EFNA1: variants seen among roughly 807,000 people sequenced by gnomAD.
The protein encoded by EFNA1 is ephrin-A1.
A neutral mutation model predicts 23.2 loss-of-function variants in EFNA1; 8 were observed. The observed-to-expected ratio is 0.34, with a 90% CI of 0.20 to 0.62. EFNA1 has a LOEUF of 0.62. EFNA1 is among the 20% of genes least tolerant of loss of function. The probability of loss-of-function intolerance (pLI) is 0.75; values close to 1 mark genes in which losing one functional copy is unlikely to be tolerated. For missense variants in EFNA1, 217 were observed against 260.0 expected (o/e 0.83, Z 1.14); for synonymous variants, 89 against 98.6 (o/e 0.90, Z 0.58).
chr1:155,131,351 G>C lies in EFNA1; in HGVS notation c.105G>C (p.Glu35Asp). The C allele has an allele frequency of 6.2e-7, 1 of 1,610,560 alleles. No homozygotes were observed. Among genetic ancestry groups the C allele is most frequent in the Non-Finnish European group, 8.5e-7 (1 of 1,177,138 alleles). The change falls in exon 2 of 5, where the codon GAG becomes GAC. Residue 35 changes from glutamate (E) to aspartate (D), a missense_variant. Coordinates refer to ENST00000368407, the MANE Select transcript of EFNA1 (RefSeq NM_004428.3). Reference protein sequence around the residue: ...WNSSNPKFRNEDYTIHVQLND... With the variant: ...WNSSNPKFRNDDYTIHVQLND... ...TGTGTGTCCCCAGGTTCCGGAATGA[G>C]GACTACACCATACATGTGCAGCTGA...
rs1664345252 is a variant in EFNA1, at chr1:155,134,819, T to C, written c.*752T>C. The C allele has an allele frequency of 1.3e-5, 2 of 153,526 alleles. No individual in the cohort carries two copies. The highest frequency in any genetic ancestry group is 6.5e-5 in the Admixed American group (1 of 15,440). 9.5% of individuals were successfully genotyped at this position (153,526 alleles called of 1,614,324 possible). On this transcript the variant is annotated 3_prime_UTR_variant, in exon 5 of 5. Coordinates refer to ENST00000368407, the MANE Select transcript of EFNA1 (RefSeq NM_004428.3). ...CTACAACTGGAGTTTTTTTATACAATGTTCTTTGTCTCAAAATAAAGCAAT... is the reference window on the plus strand; with the variant it reads ...CTACAACTGGAGTTTTTTTATACAACGTTCTTTGTCTCAAAATAAAGCAAT...
rs1664135042 is a variant in EFNA1, at chr1:155,127,940, G to C, written c.-38G>C. ...CCAGTGGGAACCCAGACCCATAGGA[G>C]ACCCGCGTCCCCGCTCGGCCTGGCC... is the stretch of plus-strand genomic sequence containing the variant. On this transcript the variant is annotated 5_prime_UTR_variant, in exon 1 of 5. Coordinates refer to ENST00000368407, the MANE Select transcript of EFNA1 (RefSeq NM_004428.3). This position sits in a 1 kb window ranked among gnomAD's most constrained non-coding sequence, Gnocchi z 4.4. The C allele has an allele frequency of 1.3e-6, 2 of 1,558,276 alleles. No individual in the cohort carries two copies. The highest frequency in any genetic ancestry group is 4.5e-5 in the East Asian group (2 of 44,540).
At chr1:155,128,190 T>C in intron 1 of EFNA1, 121 bp downstream of exon 1, 1 of 848,172 alleles carries the variant, frequency 1.2e-6, no homozygotes, top group Non-Finnish European at 1.9e-6. Flanking sequence ...GGAGGGCGGC[T>C]GTAGATTTTC....
Position 155,134,188 on chromosome 1 carries a change from T to TA in EFNA1, c.*123dup. On this transcript the variant is annotated 3_prime_UTR_variant, in exon 5 of 5. Coordinates refer to ENST00000368407, the MANE Select transcript of EFNA1 (RefSeq NM_004428.3). ...CTGGGAACCACTCCCACCACAGGCA[T>TA]AAGCTATCACCTAGCAGCCTCAAAA... is the stretch of plus-strand genomic sequence containing the variant. 1.0e-6 allele frequency: 1 copy of TA among 968,644 alleles called. No homozygotes were observed. Among genetic ancestry groups the TA allele is most frequent in the Non-Finnish European group, 1.6e-6 (1 of 633,966 alleles). 60.0% of individuals were successfully genotyped at this position (968,644 alleles called of 1,614,324 possible).
In EFNA1 at chr1:155,131,361, A is replaced by G. The variant is rs755272713; in HGVS notation, c.115A>G (p.Ile39Val). Residue 39 changes from isoleucine (I) to valine (V), a missense_variant, in exon 2 of 5, where the codon ATA becomes GTA. Transcript: ENST00000368407. ...NPKFRNEDYT[I>V]HVQLNDYVDI... ...CAGGTTCCGGAATGAGGACTACACC[A>G]TACATGTGCAGCTGAATGACTACGT... 1 of 1,613,626 alleles carries G rather than the reference A, an allele frequency of 6.2e-7. No individual in the cohort carries two copies. The highest frequency in any genetic ancestry group is 8.5e-7 in the Non-Finnish European group (1 of 1,179,578).
intron 1 of EFNA1, chr1:155,130,812 C>A: frequency 1.2e-5 from 12 of 985,108 alleles, no homozygotes; most frequent in Non-Finnish European, 1.4e-5. Flanking sequence ...TCAGTGGGTC[C>A]GGGGAAATGT....
rs1215851347 is a variant in EFNA1 at position 155,133,784 on chromosome 1, G to A, written c.505+4G>A. 2 of 1,614,108 alleles carry A rather than the reference G, an allele frequency of 1.2e-6. No individual in the cohort carries two copies. Among genetic ancestry groups the A allele is most frequent in the African/African-American group, 1.3e-5 (1 of 75,018 alleles). Reference sequence around the variant, plus strand: ...CAGGAGAAGAGACTTGCAGCAGGTGGGTAGCTGGAGCAAACTGGGCCTGGG... The same window carrying A: ...CAGGAGAAGAGACTTGCAGCAGGTGAGTAGCTGGAGCAAACTGGGCCTGGG... On this transcript the variant is annotated splice_donor_region_variant and intron_variant, in intron 4 of 4. Transcript: ENST00000368407.
intron 1 of EFNA1, chr1:155,130,611 GT>G: frequency 1.0e-6 from 1 of 985,348 alleles, no homozygotes; most frequent in Non-Finnish European, 1.2e-6. Context: ...GGACAGGGTT[GT>G]TTTGGGGTGC....
rs1042163120 is a variant in EFNA1, at chr1:155,134,214, C to T, written c.*147C>T. The T allele has an allele frequency of 1.1e-5, 9 of 791,652 alleles. No individual in the cohort carries two copies. The highest frequency in any genetic ancestry group is 5.1e-5 in the African/African-American group (3 of 58,416). The allele number at this position is 791,652 out of a possible 1,614,324, so 49.0% of individuals were successfully genotyped here. On this transcript the variant is annotated 3_prime_UTR_variant, in exon 5 of 5. Coordinates refer to ENST00000368407, the MANE Select transcript of EFNA1 (RefSeq NM_004428.3). ...AAGCTATCACCTAGCAGCCTCAAAA[C>T]GGGTCAGTATTAAGGTTTTCAACCG...
At chr1:155,131,039 C>T (rs1243029512) in intron 1 of EFNA1, 1 of 985,192 alleles carries the variant, frequency 1.0e-6, no homozygotes, top group African/African-American at 1.7e-5. Context: ...TAGGTAGAAG[C>T]CCATCTAAAT....
At chr1:155,129,317 A>G (rs1664165323) in intron 1 of EFNA1, among the ~76,000 whole-genome samples, 1 of 151,908 alleles carries the variant, frequency 6.6e-6, no homozygotes, top group Non-Finnish European at 1.5e-5. Context: ...ATGAGTAGGG[A>G]GGGGGGGACC....
In EFNA1 at chr1:155,134,803, G is replaced by C. The variant is rs1664344279; in HGVS notation, c.*736G>C. The C allele has an allele frequency of 6.5e-6, 1 of 153,462 alleles. No individual in the cohort carries two copies. Among genetic ancestry groups the C allele is most frequent in the Non-Finnish European group, 1.5e-5 (1 of 68,880 alleles). The allele number at this position is 153,462 out of a possible 1,614,324, so 9.5% of individuals were successfully genotyped here. ...GTGTCTGTCCTGATTTCTACAACTG[G>C]AGTTTTTTTATACAATGTTCTTTGT... On this transcript the variant is annotated 3_prime_UTR_variant, in exon 5 of 5. Transcript: ENST00000368407.
Position 155,129,181 on chromosome 1 carries a change from C to T in EFNA1, c.92+1112C>T, listed in dbSNP as rs551919094. Among the ~76,000 whole-genome samples the T allele has an allele frequency of 4.7e-4, 72 of 152,288 alleles. 1 individual carries two copies. Among genetic ancestry groups the T allele is most frequent in the African/African-American group, 1.6e-3 (65 of 41,564 alleles). The stretch of plus-strand genomic sequence containing the variant: ...CGCTGGGGAGGCTCAGCCAGCCCTC[C>T]GCCACCCGCTCCCTGTGCTTTGCCT... On this transcript the variant is annotated intron_variant, in intron 1 of 4. Transcript: ENST00000368407.
At chr1:155,130,315 G>T (rs1412592296) in intron 1 of EFNA1, among the ~76,000 whole-genome samples, 1 of 152,156 alleles carries the variant, frequency 6.6e-6, no homozygotes. Flanking sequence ...TTGCGGGGTC[G>T]GGGGAAGCAC....
chr1:155,131,186 A>G, intron 1 of EFNA1, 153 bp from the exon 2 acceptor site: 1 of 1,340,610 alleles, frequency 7.5e-7, no homozygotes, highest in Admixed American at 2.7e-5. Flanking sequence ...AATGTAAGAC[A>G]TCAAGATCAG....
In EFNA1 at chr1:155,134,339, G is replaced by A; in HGVS notation, c.*272G>A. ...CCTTTCCCACCATTCCTGCCTTTAA[G>A]CCAAAGAAACAAGCTGTGCAGGCAT... On this transcript the variant is annotated 3_prime_UTR_variant, in exon 5 of 5. Coordinates refer to ENST00000368407, the MANE Select transcript of EFNA1 (RefSeq NM_004428.3). The A allele has an allele frequency of 2.0e-6, 1 of 501,538 alleles. No individual in the cohort carries two copies. The highest frequency in any genetic ancestry group is 2.0e-5 in the South Asian group (1 of 49,140). 31.1% of individuals were successfully genotyped at this position (501,538 alleles called of 1,614,324 possible).
At chr1:155,129,673 T>A (rs911740896) in intron 1 of EFNA1, 1 of 152,386 alleles carries the variant, frequency 6.6e-6, no homozygotes, top group African/African-American at 2.4e-5. Context: ...GAGGCTGGCA[T>A]GGGTGACTCA....
intron 2 of EFNA1, among the ~76,000 whole-genome samples, chr1:155,133,255 C>T (rs1042763467): frequency 6.6e-6 from 1 of 151,960 alleles, no homozygotes; most frequent in Non-Finnish European, 1.5e-5. Context: ...TATTCAGACT[C>T]GGAGGAATGA....
chr1:155,134,130 C>G lies in EFNA1; in HGVS notation c.*63C>G. The G allele has an allele frequency of 6.5e-7, 1 of 1,537,200 alleles. No homozygotes were observed. The highest frequency in any genetic ancestry group is 8.9e-7 in the Non-Finnish European group (1 of 1,127,242). ...TGAAGAGAGGGACAGGCACTCCAAA[C>G]CTGTCTTGGGGCCACTTTCAGAGCC... On this transcript the variant is annotated 3_prime_UTR_variant, in exon 5 of 5. Transcript: ENST00000368407.
Sources: allele counts gnomAD v4.1 joint callset (sites outside exome capture counted in the v4.1 genomes callset), GRCh38; gene constraint gnomAD v4.1.1; non-coding constraint Gnocchi (gnomAD v3.1); transcripts MANE v1.5; gene names NCBI Gene and HGNC (gene_info 2026-07-23, HGNC 2026-07-21).